The following GNG2 variants were observed in gnomAD, a reference collection of about 807,000 sequenced individuals.
GNG2 encodes the protein G protein subunit gamma 2.
A neutral mutation model predicts 5.5 loss-of-function variants in GNG2; 5 were observed. The ratio of observed to expected loss-of-function variants is 0.91; its 90% CI spans 0.48 to 1.92. GNG2 has a LOEUF of 1.92. Ranked by LOEUF, GNG2 falls within the 30% of genes most tolerant of loss-of-function variation. GNG2 has a pLI of 0.01. For missense variants in GNG2, 55 were observed against 88.4 expected, an observed-to-expected ratio of 0.62 and a Z score of 1.52; for synonymous variants, 28 against 32.0, an observed-to-expected ratio of 0.88 and a Z score of 0.42.
intron 3 of GNG2, among the ~76,000 whole-genome samples, chr14:51,960,376 A>T (rs983786922): frequency 2.0e-5 from 3 of 151,072 alleles, no homozygotes; most frequent in Non-Finnish European, 4.4e-5. Flanking sequence ...TCATGTGTTG[A>T]TTTATTCTAC....
At position 51,875,475 on chromosome 14, in the gene GNG2, G is replaced by A. The variant is rs559099324; in HGVS notation, c.-70-2142G>A. Reference sequence around the variant, plus strand: ...TTCTATTAAAACCATGGAAGAAGACGAGAGCAGATGTTGGGGTATATCTAG... The same window carrying A: ...TTCTATTAAAACCATGGAAGAAGACAAGAGCAGATGTTGGGGTATATCTAG... On this transcript the variant is annotated intron_variant, in intron 1 of 3. Transcript: ENST00000556766. Among the ~76,000 whole-genome samples the A allele has an allele frequency of 3.3e-5, 5 of 152,244 alleles. No individual in the cohort carries two copies. The South Asian group carries it at 8.3e-4, about 25-fold the overall frequency.
intron 2 of GNG2, among the ~76,000 whole-genome samples, chr14:51,935,125 C>T (rs1316710729): frequency 6.6e-6 from 1 of 151,052 alleles, no homozygotes; most frequent in Non-Finnish European, 1.5e-5. Flanking sequence ...CCCGAGTTCA[C>T]GCCGTTCTCC....
chr14:51,933,357 G>A (rs1010098268), intron 2 of GNG2, among the ~76,000 whole-genome samples: 2 of 152,144 alleles, frequency 1.3e-5, no homozygotes, highest in Non-Finnish European at 2.9e-5. Flanking sequence ...ACTATTTATA[G>A]TGGATATAAG....
intron 2 of GNG2, among the ~76,000 whole-genome samples, chr14:51,904,777 C>T (rs572267095): frequency 8.5e-5 from 13 of 152,306 alleles, no homozygotes; most frequent in South Asian, 4.1e-4. Context: ...GTTGAGTTTT[C>T]GGTGTCATAT....
At chr14:51,845,315 G>A (rs1409014741) in intron 2 of GNG2, among the ~76,000 whole-genome samples, 1 of 152,172 alleles carries the variant, frequency 6.6e-6, no homozygotes, top group Non-Finnish European at 1.5e-5. Context: ...ACACGGCGAA[G>A]CCCTATATCT....
intron 2 of GNG2, among the ~76,000 whole-genome samples, chr14:51,903,170 T>C (rs1202603238): frequency 6.6e-6 from 1 of 152,214 alleles, no homozygotes; most frequent in African/African-American, 2.4e-5. Flanking sequence ...TTCAGTGAAA[T>C]ATAATGCTTT....
rs140301757 is a variant in GNG2, at chr14:51,950,753, C to T, written c.75C>T (p.Ile25=). 45 of 1,605,714 alleles carry T rather than the reference C, an allele frequency of 2.8e-5. No individual in the cohort carries two copies. Among genetic ancestry groups the T allele is most frequent in the South Asian group, 3.3e-5 (3 of 89,990 alleles). Residue 25 remains isoleucine, a synonymous_variant, in exon 3 of 4, where the codon ATC becomes ATT. Transcript: ENST00000556766. The part of the protein sequence containing the change: ...LVEQLKMEAN[I]DRIKVSKAAA... ...AGCAGCTTAAGATGGAAGCCAATAT[C>T]GACAGGATAAAGGTGAGGATGGTCT...
At chr14:51,929,910 G>A (rs368259484) in intron 2 of GNG2, among the ~76,000 whole-genome samples, 4 of 152,148 alleles carry the variant, frequency 2.6e-5, no homozygotes, top group African/African-American at 9.7e-5. Context: ...TTGCTAGGAT[G>A]ATATTATCTG....
intron 2 of GNG2, among the ~76,000 whole-genome samples, chr14:51,852,181 T>G (rs1468371365): frequency 2.6e-5 from 4 of 152,186 alleles, no homozygotes; most frequent in Non-Finnish European, 5.9e-5. Context: ...GAAAATAAAA[T>G]CATAAACAAT....
At chr14:51,958,581 C>G (rs1263052250) in intron 3 of GNG2, among the ~76,000 whole-genome samples, 1 of 152,228 alleles carries the variant, frequency 6.6e-6, no homozygotes, top group Middle Eastern at 3.4e-3. Flanking sequence ...ACTCCCTTCA[C>G]CTGCAGTGAG....
chr14:51,892,177 T>C (rs1884901748), intron 2 of GNG2, among the ~76,000 whole-genome samples: 1 of 152,204 alleles, frequency 6.6e-6, no homozygotes, highest in Non-Finnish European at 1.5e-5. Flanking sequence ...TTTTTAACCA[T>C]CTTGGTGAAA....
At chr14:51,896,593 C>A (rs1478247706) in intron 2 of GNG2, among the ~76,000 whole-genome samples, 1 of 152,130 alleles carries the variant, frequency 6.6e-6, no homozygotes, top group Non-Finnish European at 1.5e-5. Context: ...CTAGAAATCA[C>A]CAAAATATGA....
intron 2 of GNG2, among the ~76,000 whole-genome samples, chr14:51,833,539 C>G (rs1330971836): frequency 6.6e-6 from 1 of 152,208 alleles, no homozygotes; most frequent in Non-Finnish European, 1.5e-5. Context: ...TACACTTACT[C>G]TTTAGGAGAA....
upstream of GNG2, among the ~76,000 whole-genome samples, chr14:51,858,653 C>T (rs1882276019): frequency 6.6e-6 from 1 of 152,168 alleles, no homozygotes; most frequent in Non-Finnish European, 1.5e-5. Context: ...CCATTAATAA[C>T]ATGCTTCTCA....
intron 2 of GNG2, among the ~76,000 whole-genome samples, chr14:51,881,701 C>CTTTTTTTTTTTTTTTTTTTTTTTTTT (rs58544362): frequency 1.9e-5 from 2 of 104,222 alleles, no homozygotes; most frequent in African/African-American, 3.7e-5. Flanking sequence ...AGCTGGAAGA[C>CTTTTTTTTTTTTTTTTTTTTTTTTTT]TTTTTTTTTT....
At chr14:51,946,944 G>A (rs1162912141) in intron 2 of GNG2, among the ~76,000 whole-genome samples, 3 of 152,092 alleles carry the variant, frequency 2.0e-5, no homozygotes, top group African/African-American at 7.2e-5. Flanking sequence ...TGAAAAAAAA[G>A]GGAAAAATGC....
At chr14:51,883,103 A>G (rs1180217327) in intron 2 of GNG2, among the ~76,000 whole-genome samples, 1 of 152,174 alleles carries the variant, frequency 6.6e-6, no homozygotes, top group African/African-American at 2.4e-5. Flanking sequence ...TTTCATATAT[A>G]TAAATACTTT....
chr14:51,962,748 A>G (rs1889688504), intron 3 of GNG2, among the ~76,000 whole-genome samples: 1 of 152,232 alleles, frequency 6.6e-6, no homozygotes, highest in Non-Finnish European at 1.5e-5. Flanking sequence ...TCATGGAAGA[A>G]GTAGGCATAC....
chr14:51,941,873 T>TTTTC (rs1888334829), intron 2 of GNG2, among the ~76,000 whole-genome samples: 1 of 152,228 alleles, frequency 6.6e-6, no homozygotes, highest in Non-Finnish European at 1.5e-5. Context: ...CTCTCATCAG[T>TTTTC]TGAAAAGAAT....
Sources: gnomAD v4.1 joint callset for allele counts (sites outside exome capture counted in the v4.1 genomes callset) on GRCh38, gnomAD v4.1.1 for gene constraint, MANE v1.5 for transcripts, NCBI Gene and HGNC (gene_info 2026-07-23, HGNC 2026-07-21) for gene names.